ARSG: variants seen among roughly 807,000 people sequenced by gnomAD.
ARSG encodes the protein arylsulfatase G.
ARSG carries 37 observed loss-of-function variants against 50.5 expected under a neutral mutation model. That is an observed-to-expected ratio of 0.73 (90% CI 0.56 to 0.96). The LOEUF is 0.96. ARSG is among the 50% of genes least tolerant of loss of function. ARSG has a pLI of 0.00. For missense variants in ARSG, 629 were observed against 675.3 expected (o/e 0.93, Z 0.76); for synonymous variants, 225 against 254.6 (o/e 0.88, Z 1.11).
chr17:68,397,628 A>G (rs957072043), intron 10 of ARSG, among the ~76,000 whole-genome samples: 4 of 152,148 alleles, frequency 2.6e-5, no homozygotes, highest in African/African-American at 9.7e-5. Flanking sequence ...GAGGAATTAT[A>G]TATATATACA....
At chr17:68,433,760 GTTTTTTTTTTTTTTTTTTTTT>G in the ARSG span, among the ~76,000 whole-genome samples, 269 of 72,820 alleles carry the variant, frequency 3.7e-3, 6 homozygotes, top group African/African-American at 0.017. Context: ...AAGGGTCATA[GTTTTTTTTTTTTTTTTTTTTT>G]TTTTTTTTTT....
Position 68,337,600 on chromosome 17 carries a change from C to T in ARSG, c.219-6004C>T, listed in dbSNP as rs1051594881. ...TGGAGATTAGGAAGCTAAGCAGAAA[C>T]GCTTCTATTTATTTATTTATTTATT... On this transcript the variant is annotated intron_variant, in intron 2 of 11. Coordinates refer to ENST00000621439, the MANE Select transcript of ARSG (RefSeq NM_001267727.2). Among the ~76,000 whole-genome samples the T allele has an allele frequency of 1.9e-4, 12 of 64,156 alleles. No individual in the cohort carries two copies. In the South Asian group the frequency reaches 3.0e-3, roughly 16 times the overall value. 42.1% of individuals were successfully genotyped at this position (64,156 alleles called of 152,430 possible).
chr17:68,326,295 T>C (rs1430553346), intron 2 of ARSG, among the ~76,000 whole-genome samples: 2 of 152,142 alleles, frequency 1.3e-5, no homozygotes, highest in Non-Finnish European at 2.9e-5. Flanking sequence ...GCCAGCCCTG[T>C]GGAGACCAGA....
At chr17:68,261,797 C>G (rs1212148087) in intron 1 of ARSG, among the ~76,000 whole-genome samples, 2 of 152,028 alleles carry the variant, frequency 1.3e-5, no homozygotes, top group Admixed American at 6.6e-5. Flanking sequence ...GAAGGGAGTA[C>G]CAAGCAAAGG....
Position 68,343,728 on chromosome 17 carries a change from C to T in ARSG, c.343C>T (p.Pro115Ser), listed in dbSNP as rs1251429928. 2 of 1,614,128 alleles carry T rather than the reference C, an allele frequency of 1.2e-6. No homozygotes were observed. The highest frequency in any genetic ancestry group is 2.2e-5 in the South Asian group (2 of 91,072). ...TGCAGTCACTTCTGTGGGAGGCCTT[C>T]CGCTCAACGAGACCACCTTGGCAGA... ...NFAVTSVGGLPLNETTLAEVL... is the reference protein window; with the variant it reads ...NFAVTSVGGLSLNETTLAEVL... Residue 115 changes from proline (P) to serine (S), a missense_variant, in exon 3 of 12, where the codon CCG becomes TCG. Pro to Ser is a moderately conservative substitution (Grantham distance 74, BLOSUM62 -1). Coordinates refer to ENST00000621439, the MANE Select transcript of ARSG (RefSeq NM_001267727.2).
chr17:68,315,279 C>T (rs2077027225), intron 2 of ARSG, among the ~76,000 whole-genome samples: 3 of 152,158 alleles, frequency 2.0e-5, no homozygotes. Context: ...TGGTGGTTCA[C>T]ATCTGTAATT....
chr17:68,399,593 T>G lies in ARSG; in HGVS notation c.1213-1767T>G, dbSNP rs2081387779. Among the ~76,000 whole-genome samples, 1 of 152,092 alleles carries G rather than the reference T, an allele frequency of 6.6e-6. No individual in the cohort carries two copies. Among genetic ancestry groups the G allele is most frequent in the African/African-American group, 2.4e-5 (1 of 41,420 alleles). On this transcript the variant is annotated intron_variant, in intron 10 of 11. Transcript: ENST00000621439. This position sits in a 1 kb window ranked among gnomAD's most constrained non-coding sequence, Gnocchi z 4.6. ...GGTCTTCTCAAACAAACAAAAAAAA[T>G]GCATAGACAAGTTCTCCAAAGTCCA...
chr17:68,368,827 C>T (rs1289425862), intron 7 of ARSG, 83 bp downstream of exon 7: 43 of 1,455,300 alleles, frequency 3.0e-5, no homozygotes, highest in African/African-American at 7.2e-5. Context: ...AGTCTGGCCC[C>T]GTGATCCCCT....
chr17:68,344,457 T>C (rs2078416398), intron 3 of ARSG, among the ~76,000 whole-genome samples: 1 of 152,240 alleles, frequency 6.6e-6, no homozygotes, highest in Admixed American at 6.5e-5. Context: ...TCCCTCTCCT[T>C]TAAAACATTT....
chr17:68,346,105 G>A (rs1047304984), intron 3 of ARSG, among the ~76,000 whole-genome samples: 14 of 151,998 alleles, frequency 9.2e-5, no homozygotes, highest in African/African-American at 3.4e-4. Context: ...CAAACTCCTG[G>A]CCTCATGTGA....
chr17:68,448,693 CAATCTT>C, the ARSG span, among the ~76,000 whole-genome samples: 86 of 152,164 alleles, frequency 5.7e-4, no homozygotes, highest in Non-Finnish European at 1.8e-4. Flanking sequence ...TTTGCCTAAA[CAATCTT>C]AAAAAGATCA....
In ARSG at chr17:68,420,620, C is replaced by G; in HGVS notation, c.*157C>G. ...CATATCCCTTCTGTATCCTGTCCCT[C>G]CTCCACGCCGACCCGAGAGCAGCTG... is the stretch of plus-strand genomic sequence containing the variant. On this transcript the variant is annotated 3_prime_UTR_variant, in exon 12 of 12. Coordinates refer to ENST00000621439, the MANE Select transcript of ARSG (RefSeq NM_001267727.2). 1.2e-6 allele frequency: 1 copy of G among 864,290 alleles called. No individual in the cohort carries two copies. The highest frequency in any genetic ancestry group is 1.7e-5 in the South Asian group (1 of 58,598). The allele number at this position is 864,290 out of a possible 1,614,324, so 53.5% of individuals were successfully genotyped here.
the ARSG span, among the ~76,000 whole-genome samples, chr17:68,431,411 G>A: frequency 2.6e-5 from 4 of 152,046 alleles, no homozygotes; most frequent in African/African-American, 9.7e-5. Flanking sequence ...ATGGGATGGT[G>A]TCTCTGTGGC....
chr17:68,413,128 G>A (rs2147399388), intron 11 of ARSG, among the ~76,000 whole-genome samples: 1 of 152,154 alleles, frequency 6.6e-6, no homozygotes, highest in African/African-American at 2.4e-5. Flanking sequence ...GCTCGTCAAA[G>A]TTATTCTCTG....
chr17:68,368,753 G>T lies in ARSG; in HGVS notation c.901+9G>T. On this transcript the variant is annotated intron_variant, in intron 7 of 11. Coordinates refer to ENST00000621439, the MANE Select transcript of ARSG (RefSeq NM_001267727.2). ...ATTCCTCTGGTTTACAGGTAAAGTAGTAAAAGCCAGCCAGCCTAACTGCCA... is the reference window on the plus strand; with the variant it reads ...ATTCCTCTGGTTTACAGGTAAAGTATTAAAAGCCAGCCAGCCTAACTGCCA... The T allele has an allele frequency of 6.2e-7, 1 of 1,610,534 alleles. No homozygotes were observed. The highest frequency in any genetic ancestry group is 8.5e-7 in the Non-Finnish European group (1 of 1,179,144).
Position 68,307,388 on chromosome 17 carries a change from C to T in ARSG, c.-106C>T. 1.1e-6 allele frequency: 1 copy of T among 874,998 alleles called. No individual in the cohort carries two copies. The highest frequency in any genetic ancestry group is 1.8e-6 in the Non-Finnish European group (1 of 543,032). The allele number at this position is 874,998 out of a possible 1,614,324, so 54.2% of individuals were successfully genotyped here. A position where few individuals can be genotyped will look rare whatever the true frequency, so the allele number is the denominator to read the frequency against. ...TCTTCTTGCAGATTCCACCCCTGCT[C>T]CCCAGAGACTTCCTGCTTTGAAAGT... On this transcript the variant is annotated 5_prime_UTR_variant, in exon 2 of 12. Coordinates refer to ENST00000621439, the MANE Select transcript of ARSG (RefSeq NM_001267727.2).
At chr17:68,314,018 A>T (rs1568455814) in intron 2 of ARSG, among the ~76,000 whole-genome samples, 1 of 152,060 alleles carries the variant, frequency 6.6e-6, no homozygotes, top group Non-Finnish European at 1.5e-5. Flanking sequence ...GCAGTCTATA[A>T]TGTAGTAGGT....
chr17:68,331,118 G>A (rs954143647), intron 2 of ARSG, among the ~76,000 whole-genome samples: 2 of 151,510 alleles, frequency 1.3e-5, no homozygotes, highest in African/African-American at 4.9e-5. Flanking sequence ...CCGAGTAGCT[G>A]GGACTATAGG....
chr17:68,301,072 C>G (rs1193942670), intron 1 of ARSG, among the ~76,000 whole-genome samples: 1 of 150,796 alleles, frequency 6.6e-6, no homozygotes, highest in African/African-American at 2.4e-5. Flanking sequence ...GAGCCGAGAT[C>G]GCACCACTGC....
Sources: gnomAD v4.1 joint callset for allele counts (sites outside exome capture counted in the v4.1 genomes callset) on GRCh38, gnomAD v4.1.1 for gene constraint, Gnocchi (gnomAD v3.1) non-coding constraint, MANE v1.5 for transcripts, NCBI Gene and HGNC (gene_info 2026-07-23, HGNC 2026-07-21) for gene names.